SLC25A48: variants seen among roughly 807,000 people sequenced by gnomAD.
SLC25A48 encodes solute carrier family 25 member 48.
SLC25A48 carries 29 observed loss-of-function variants against 32.2 expected under a neutral mutation model. The ratio of observed to expected loss-of-function variants is 0.90; its 90% confidence interval spans 0.67 to 1.23. The LOEUF is 1.23. SLC25A48 is among the 50% of genes most tolerant of loss of function. SLC25A48 has a pLI of 0.00. For missense variants in SLC25A48, 399 were observed against 422.7 expected, an observed-to-expected ratio of 0.94 and a Z score of 0.49; for synonymous variants, 164 against 172.3, an observed-to-expected ratio of 0.95 and a Z score of 0.38.
intron 6 of SLC25A48, among the ~76,000 whole-genome samples, chr5:135,879,618 G>GTC (rs1196207560): frequency 4.9e-5 from 7 of 143,008 alleles, no homozygotes; most frequent in African/African-American, 2.1e-4. Flanking sequence ...GAGAGTGTGT[G>GTC]TGTGTGTGTG....
chr5:135,801,307 G>A (rs978373778), intron 3 of SLC25A48, among the ~76,000 whole-genome samples: 1 of 151,150 alleles, frequency 6.6e-6, no homozygotes, highest in Non-Finnish European at 1.5e-5. Flanking sequence ...CGCAGGGGGT[G>A]TATACTCCCC....
Position 135,701,679 on chromosome 5 carries a change from T to C in SLC25A48, c.-521+66723T>C, listed in dbSNP as rs968033162. Among the ~76,000 whole-genome samples, 9 of 152,354 alleles carry C rather than the reference T, an allele frequency of 5.9e-5. No individual in the cohort carries two copies. In the East Asian group the frequency reaches 1.7e-3, roughly 29 times the overall value. On this transcript the variant is annotated intron_variant, in intron 3 of 10. Transcript: ENST00000646290. ...GATAGTGTCTGAGCCAGCAGACTAATAGGCAGCCCATGCTCCATGTTCCCT... is the reference window on the plus strand; with the variant it reads ...GATAGTGTCTGAGCCAGCAGACTAACAGGCAGCCCATGCTCCATGTTCCCT...
In SLC25A48 at chr5:135,657,980, T is replaced by G. The variant is rs563581698; in HGVS notation, c.-521+23024T>G. Among the ~76,000 whole-genome samples, 189 of 152,324 alleles carry G rather than the reference T, an allele frequency of 1.2e-3. 7 individuals are homozygous for G. In the South Asian group the frequency reaches 0.036, roughly 29 times the overall value. On this transcript the variant is annotated intron_variant, in intron 3 of 10. Coordinates refer to the SLC25A48 transcript ENST00000646290. The stretch of plus-strand genomic sequence containing the variant: ...CAACATTGGGAATTATAATTAGACA[T>G]GAGATTTAGGTGGGGACACAGAGCC...
intron 3 of SLC25A48, among the ~76,000 whole-genome samples, chr5:135,782,414 G>T (rs1450140314): frequency 8.5e-6 from 1 of 117,268 alleles, no homozygotes; most frequent in Non-Finnish European, 2.1e-5. Context: ...ACCGCAGCAG[G>T]TGCACATCGC....
chr5:135,632,473 A>G (rs575652711), intron 2 of SLC25A48, among the ~76,000 whole-genome samples: 7 of 152,150 alleles, frequency 4.6e-5, no homozygotes, highest in Non-Finnish European at 1.0e-4. Context: ...ATGCTCAGGG[A>G]TTGATTATGA....
intron 1 of SLC25A48, among the ~76,000 whole-genome samples, chr5:135,580,915 TACA>T (rs1249302304): frequency 1.3e-5 from 2 of 152,204 alleles, no homozygotes; most frequent in Non-Finnish European, 2.9e-5. Context: ...CTAGCCTTGC[TACA>T]ACAATAGCTC....
chr5:135,624,584 G>T (rs1580732205), intron 1 of SLC25A48, among the ~76,000 whole-genome samples: 2 of 152,206 alleles, frequency 1.3e-5, no homozygotes, highest in South Asian at 4.1e-4. Flanking sequence ...GGGATTCTAT[G>T]CCTGCCTCTT....
chr5:135,644,459 C>G (rs939474534), intron 3 of SLC25A48, among the ~76,000 whole-genome samples: 21 of 152,116 alleles, frequency 1.4e-4, no homozygotes, highest in Non-Finnish European at 2.9e-4. Flanking sequence ...GTGCACATGT[C>G]TCTAGGCTGT....
intron 3 of SLC25A48, chr5:135,652,541 G>A (rs1417943009): frequency 2.4e-6 from 1 of 415,634 alleles, no homozygotes; most frequent in East Asian, 7.3e-5. Flanking sequence ...TTAACTGGAA[G>A]TGGCTGGGCT....
intron 3 of SLC25A48, among the ~76,000 whole-genome samples, chr5:135,717,215 G>A (rs564034556): frequency 6.8e-4 from 103 of 152,276 alleles, no homozygotes; most frequent in Middle Eastern, 3.4e-3. Flanking sequence ...CAAGAAACTC[G>A]TCTCCTGCAG....
At chr5:135,796,667 C>T (rs368978871) in intron 3 of SLC25A48, among the ~76,000 whole-genome samples, 5 of 146,516 alleles carry the variant, frequency 3.4e-5, no homozygotes, top group African/African-American at 1.3e-4. Flanking sequence ...TCCCCATATC[C>T]CGGGGGGTGT....
chr5:135,776,269 G>GAA (rs1344809647), intron 3 of SLC25A48, among the ~76,000 whole-genome samples: 1 of 140,542 alleles, frequency 7.1e-6, no homozygotes, highest in Non-Finnish European at 1.5e-5. Flanking sequence ...TCATATCTGG[G>GAA]GGGTGGGGGG....
At chr5:135,593,402 C>A (rs1751571829) in intron 1 of SLC25A48, among the ~76,000 whole-genome samples, 1 of 152,210 alleles carries the variant, frequency 6.6e-6, no homozygotes, top group African/African-American at 2.4e-5. Context: ...CGTGTCTTAA[C>A]CTCAGGTCAA....
At chr5:135,600,069 T>A (rs1751758170) in intron 1 of SLC25A48, among the ~76,000 whole-genome samples, 1 of 152,218 alleles carries the variant, frequency 6.6e-6, no homozygotes, top group Non-Finnish European at 1.5e-5. Flanking sequence ...TTGCTGTGTT[T>A]GAGTTGTCAA....
chr5:135,874,713 C>T (rs1340363611), intron 6 of SLC25A48: 10 of 702,360 alleles, frequency 1.4e-5, no homozygotes, highest in Non-Finnish European at 2.3e-5. Context: ...GTTCTTCCTA[C>T]AGCTCAAGAG....
At chr5:135,637,211 T>C (rs1281743897) in intron 3 of SLC25A48, among the ~76,000 whole-genome samples, 1 of 152,146 alleles carries the variant, frequency 6.6e-6, no homozygotes, top group Non-Finnish European at 1.5e-5. Flanking sequence ...CTGAAAATGG[T>C]GAAACAACCT....
At chr5:135,863,369 T>C (rs1397053788) in intron 4 of SLC25A48, among the ~76,000 whole-genome samples, 1 of 152,070 alleles carries the variant, frequency 6.6e-6, no homozygotes, top group African/African-American at 2.4e-5. Flanking sequence ...GCCTGTGAGA[T>C]TGCACCTGGA....
intron 3 of SLC25A48, among the ~76,000 whole-genome samples, chr5:135,667,040 A>G (rs1753541154): frequency 6.6e-6 from 1 of 152,212 alleles, no homozygotes; most frequent in Admixed American, 6.5e-5. Context: ...TTTTAAAAGG[A>G]GTACATGGAA....
At chr5:135,696,578 C>T (rs1168520562) in intron 3 of SLC25A48, among the ~76,000 whole-genome samples, 2 of 152,192 alleles carry the variant, frequency 1.3e-5, no homozygotes, top group African/African-American at 4.8e-5. Flanking sequence ...TCTGCTGGGC[C>T]CTTCCCTACC....
Sources: allele counts gnomAD v4.1 joint callset (sites outside exome capture counted in the v4.1 genomes callset), GRCh38; gene constraint gnomAD v4.1.1; transcripts MANE v1.5; gene names NCBI Gene and HGNC (gene_info 2026-07-23, HGNC 2026-07-21).